HPSE2: variants seen among roughly 807,000 people sequenced by gnomAD.
HPSE2 encodes the protein inactive heparanase-2.
HPSE2 carries 38 observed loss-of-function variants against 60.5 expected under a neutral mutation model. The ratio of observed to expected loss-of-function variants is 0.63; its 90% CI spans 0.48 to 0.82. The LOEUF (loss-of-function observed/expected upper bound fraction) is 0.82, where lower values mean the gene tolerates loss of function less well. Ranked by LOEUF, HPSE2 falls within the 40% of genes least tolerant of loss-of-function variation. The pLI is 0.00. For synonymous variants in HPSE2, 295 were observed against 293.2 expected (o/e 1.01, Z -0.06); for missense variants, 713 against 740.4 (o/e 0.96, Z 0.43).
rs976727077 is a variant in HPSE2 at position 99,126,147 on chromosome 10, C to G, written c.610+18091G>C. Among the ~76,000 whole-genome samples, 1 of 152,092 alleles carries G rather than the reference C, an allele frequency of 6.6e-6. No homozygotes were observed. Among genetic ancestry groups the G allele is most frequent in the Non-Finnish European group, 1.5e-5 (1 of 68,012 alleles). ...ACTGCAGGAACAAGACCAGCCTTAC[C>G]AACTGTGTGGGAGCTGAGTGAGGCC... On this transcript the variant is annotated intron_variant, in intron 3 of 11. Transcript: ENST00000370552. The surrounding 1 kb of genome is among the most constrained non-coding windows in gnomAD (Gnocchi z 4.0).
chr10:98,937,598 T>C (rs1954843545), intron 3 of HPSE2, among the ~76,000 whole-genome samples: 3 of 143,566 alleles, frequency 2.1e-5, no homozygotes, highest in South Asian at 2.1e-4. Context: ...TCGAACTGGG[T>C]GGAGCCCACC....
intron 2 of HPSE2, among the ~76,000 whole-genome samples, chr10:99,186,566 A>C (rs1848037081): frequency 6.7e-6 from 1 of 150,134 alleles, no homozygotes; most frequent in South Asian, 2.1e-4. Flanking sequence ...AAAAAAAAAA[A>C]AAAAAAAGAT....
chr10:98,994,220 C>CTG (rs1315561365), intron 3 of HPSE2, among the ~76,000 whole-genome samples: 1 of 152,214 alleles, frequency 6.6e-6, no homozygotes, highest in Non-Finnish European at 1.5e-5. Context: ...GGTGCACCTC[C>CTG]TTTCAGTTAA....
In HPSE2 at chr10:98,599,546, T is replaced by C. The variant is rs144603886; in HGVS notation, c.1320+15358A>G. 6.8e-3 allele frequency among the ~76,000 whole-genome samples: 1,031 copies of C among 152,228 alleles called. 18 individuals carry two copies. The highest frequency in any genetic ancestry group is 0.01 in the Middle Eastern group (3 of 294). On this transcript the variant is annotated intron_variant, in intron 9 of 11. Coordinates refer to ENST00000370552, the MANE Select transcript of HPSE2 (RefSeq NM_021828.5). Reference sequence around the variant, plus strand: ...GGTACTGGCCTGGAGTCTGGTCCCATGGGGGCCTGACCAGTGCTCAGTTTT... The same window carrying C: ...GGTACTGGCCTGGAGTCTGGTCCCACGGGGGCCTGACCAGTGCTCAGTTTT...
chr10:98,690,914 C>T (rs770483978), intron 6 of HPSE2, among the ~76,000 whole-genome samples: 1 of 152,170 alleles, frequency 6.6e-6, no homozygotes, highest in Non-Finnish European at 1.5e-5. Flanking sequence ...TCTGTTTATT[C>T]ATGACTTCAG....
chr10:98,926,955 T>C (rs538799126), intron 3 of HPSE2, among the ~76,000 whole-genome samples: 24 of 152,316 alleles, frequency 1.6e-4, no homozygotes, highest in Non-Finnish European at 2.8e-4. Flanking sequence ...TCTAGTTCGA[T>C]TGCACTGGGG....
intron 3 of HPSE2, among the ~76,000 whole-genome samples, chr10:99,125,057 A>G (rs1845111794): frequency 6.6e-6 from 1 of 152,282 alleles, no homozygotes; most frequent in East Asian, 1.9e-4. Context: ...GTAAGCACTC[A>G]GCAAATGCTG....
chr10:98,474,714 A>AT (rs1466130532), intron 11 of HPSE2, among the ~76,000 whole-genome samples: 6 of 152,152 alleles, frequency 3.9e-5, no homozygotes, highest in African/African-American at 1.2e-4. Flanking sequence ...GAGCCTTGAG[A>AT]TTTTTTTCAG....
At chr10:99,149,860 CTTGT>C (rs1846193185) in intron 2 of HPSE2, among the ~76,000 whole-genome samples, 2 of 151,244 alleles carry the variant, frequency 1.3e-5, no homozygotes, top group African/African-American at 4.9e-5. Context: ...AAACCCTATG[CTTGT>C]TTTTTTTTTT....
chr10:98,761,813 T>C (rs1950010461), intron 3 of HPSE2, among the ~76,000 whole-genome samples: 1 of 152,132 alleles, frequency 6.6e-6, no homozygotes, highest in South Asian at 2.1e-4. Context: ...TGTTCTTCCT[T>C]TACCTCCAGT....
At chr10:98,980,375 C>T (rs1420953222) in intron 3 of HPSE2, among the ~76,000 whole-genome samples, 1 of 151,994 alleles carries the variant, frequency 6.6e-6, no homozygotes, top group South Asian at 2.1e-4. Flanking sequence ...TTAAATTTAA[C>T]AGAGTGTAAT....
At chr10:98,614,701 ATGTGTG>A (rs141443710) in intron 9 of HPSE2, among the ~76,000 whole-genome samples, 197 bp downstream of exon 9, 2 of 149,018 alleles carry the variant, frequency 1.3e-5, no homozygotes, top group Admixed American at 1.3e-4. Flanking sequence ...GAGTGAACAG[ATGTGTG>A]TGTGTGTGTG....
chr10:99,224,128 T>C (rs1043351677), intron 2 of HPSE2, among the ~76,000 whole-genome samples: 8 of 152,058 alleles, frequency 5.3e-5, no homozygotes, highest in African/African-American at 9.7e-5. Flanking sequence ...GTCTGGCTTA[T>C]ATACAACTGA....
At chr10:98,811,530 G>A (rs1408869179) in intron 3 of HPSE2, among the ~76,000 whole-genome samples, 1 of 152,018 alleles carries the variant, frequency 6.6e-6, no homozygotes, top group Non-Finnish European at 1.5e-5. Flanking sequence ...CAGTACCTAG[G>A]ATCAAAACAT....
chr10:98,854,786 T>C (rs1952268100), intron 3 of HPSE2, among the ~76,000 whole-genome samples: 1 of 152,226 alleles, frequency 6.6e-6, no homozygotes, highest in African/African-American at 2.4e-5. Flanking sequence ...CAAGTCTCTG[T>C]ACTTGTAGAT....
At chr10:98,485,237 G>A (rs1941396853) in intron 10 of HPSE2, among the ~76,000 whole-genome samples, 1 of 152,134 alleles carries the variant, frequency 6.6e-6, no homozygotes, top group Non-Finnish European at 1.5e-5. Flanking sequence ...AATCTTTCTG[G>A]GATATTTGGC....
At chr10:99,069,952 C>G (rs563354898) in intron 3 of HPSE2, among the ~76,000 whole-genome samples, 1 of 151,954 alleles carries the variant, frequency 6.6e-6, no homozygotes, top group East Asian at 1.9e-4. Context: ...AAAGAGTCTG[C>G]GTATCTAGGC....
At chr10:98,613,703 A>C (rs1021975408) in intron 9 of HPSE2, among the ~76,000 whole-genome samples, 2 of 152,212 alleles carry the variant, frequency 1.3e-5, no homozygotes, top group Non-Finnish European at 1.5e-5. Context: ...GAACCAAGGC[A>C]CAGGAACAGG....
intron 2 of HPSE2, among the ~76,000 whole-genome samples, chr10:99,180,921 C>T (rs1440373437): frequency 8.2e-6 from 1 of 121,960 alleles, no homozygotes; most frequent in Non-Finnish European, 1.7e-5. Context: ...AAAAAAAACA[C>T]AGATGCTGGA....
Sources: allele counts gnomAD v4.1 joint callset (sites outside exome capture counted in the v4.1 genomes callset), GRCh38; gene constraint gnomAD v4.1.1; non-coding constraint Gnocchi (gnomAD v3.1); transcripts MANE v1.5; gene names NCBI Gene and HGNC (gene_info 2026-07-23, HGNC 2026-07-21).